TIMM23B: variants seen among roughly 807,000 people sequenced by gnomAD.
TIMM23B encodes the protein translocase of inner mitochondrial membrane 23 homolog B.
In TIMM23B, 27 loss-of-function variants were observed where a neutral mutation model predicts 27.3. The ratio of observed to expected loss-of-function variants is 0.99; its 90% CI spans 0.73 to 1.36. The LOEUF is 1.36. TIMM23B is among the 40% of genes most tolerant of loss of function. The pLI is 0.00. For synonymous variants in TIMM23B, 73 were observed against 92.4 expected, an observed-to-expected ratio of 0.79 and a Z score of 1.21; for missense variants, 205 against 244.2, an observed-to-expected ratio of 0.84 and a Z score of 1.07.
Position 49,955,067 on chromosome 10 carries a change from A to T in TIMM23B, c.403+7A>T, listed in dbSNP as rs1439284159. ...AATACTCTAGGTTCTCTGGGTAAGT[A>T]GAGATCTCGTTTGATAATAAATTGT... On this transcript the variant is annotated splice_region_variant and intron_variant, in intron 5 of 6. Transcript: ENST00000651259. 2.5e-6 allele frequency: 4 copies of T among 1,612,034 alleles called. No homozygotes were observed. In the African/African-American group the frequency reaches 4.0e-5, roughly 16 times the overall value.
rs1191792482 is a variant in TIMM23B, at chr10:49,945,101, G to T, written c.165+11G>T. 6.8e-6 allele frequency: 11 copies of T among 1,611,192 alleles called. No homozygotes were observed. The African/African-American group carries it at 8.0e-5, about 12-fold the overall frequency. ...CGATACCTCGTGCAGGTAAGACTAA[G>T]ATTTTACTAGTTTGGTGCATTATTT... On this transcript the variant is annotated intron_variant, in intron 2 of 6. Coordinates refer to ENST00000651259, the MANE Select transcript of TIMM23B (RefSeq NM_001290117.2).
chr10:49,961,402 A>G (rs1204242658), intron 6 of TIMM23B, among the ~76,000 whole-genome samples: 6 of 150,758 alleles, frequency 4.0e-5, no homozygotes, highest in Non-Finnish European at 5.9e-5. Flanking sequence ...AAAAAAAAAG[A>G]AAAGAAAAAA....
intron 2 of TIMM23B, among the ~76,000 whole-genome samples, chr10:49,946,137 CT>C (rs1218396196): frequency 7.9e-4 from 119 of 150,934 alleles, no homozygotes; most frequent in African/African-American, 2.7e-3. Flanking sequence ...TTGCAGTGAG[CT>C]GAGAACACCC....
At chr10:49,971,101 T>C (rs1378378029) in intron 6 of TIMM23B, among the ~76,000 whole-genome samples, 1 of 152,188 alleles carries the variant, frequency 6.6e-6, no homozygotes, top group Non-Finnish European at 1.5e-5. Flanking sequence ...GTGCAAGATG[T>C]GCTTTGTTAA....
At chr10:49,942,393 T>A in intron 1 of TIMM23B, 93 bp downstream of exon 1, 4 of 1,547,296 alleles carry the variant, frequency 2.6e-6, no homozygotes. Context: ...TTGGTTTTTT[T>A]TTCCTTGCTG....
intron 6 of TIMM23B, among the ~76,000 whole-genome samples, chr10:49,966,373 C>T (rs534281787): frequency 7.8e-5 from 11 of 141,796 alleles, no homozygotes; most frequent in East Asian, 4.2e-4. Flanking sequence ...TGAAATGAAA[C>T]GAAATGAAGA....
intron 6 of TIMM23B, among the ~76,000 whole-genome samples, chr10:49,968,980 A>G (rs1840294382): frequency 6.6e-6 from 1 of 152,258 alleles, no homozygotes. Context: ...TTTTAAATGA[A>G]ACAAGTTCCA....
chr10:49,959,889 C>T (rs1353136388), intron 6 of TIMM23B, among the ~76,000 whole-genome samples: 7 of 152,014 alleles, frequency 4.6e-5, no homozygotes, highest in Admixed American at 4.6e-4. Context: ...GCTGGGACTG[C>T]AGGCACACAC....
At chr10:49,969,615 C>G (rs1840328531) in intron 6 of TIMM23B, among the ~76,000 whole-genome samples, 1 of 151,342 alleles carries the variant, frequency 6.6e-6, no homozygotes, top group Non-Finnish European at 1.5e-5. Context: ...ATCACTTGAG[C>G]TTGGGGAGGT....
rs1173529762 is a variant in TIMM23B, at chr10:49,942,335, C to T, written c.106+35C>T. The T allele has an allele frequency of 1.3e-5, 20 of 1,587,204 alleles. 1 individual carries two copies. Among genetic ancestry groups the T allele is most frequent in the Non-Finnish European group, 1.6e-5 (19 of 1,165,328 alleles). ...GGGCCTAGCTTGCGATTATTTCTGACTGGTTCTTGCGTTTACACTAAAGTT... is the reference window on the plus strand; with the variant it reads ...GGGCCTAGCTTGCGATTATTTCTGATTGGTTCTTGCGTTTACACTAAAGTT... On this transcript the variant is annotated intron_variant, in intron 1 of 6. Transcript: ENST00000651259.
At chr10:49,959,771 G>T (rs1237186844) in intron 6 of TIMM23B, among the ~76,000 whole-genome samples, 1 of 150,054 alleles carries the variant, frequency 6.7e-6, no homozygotes, top group African/African-American at 2.5e-5. Context: ...TCTTTTTTGA[G>T]ATGGAGTCTT....
chr10:49,963,704 G>A (rs1449299868), intron 6 of TIMM23B, among the ~76,000 whole-genome samples: 10 of 152,130 alleles, frequency 6.6e-5, no homozygotes, highest in African/African-American at 1.7e-4. Context: ...GGTGGCTCAC[G>A]CCTGTAATCC....
chr10:49,952,545 G>C lies in TIMM23B; in HGVS notation c.344+12G>C. The C allele has an allele frequency of 6.2e-7, 1 of 1,612,914 alleles. No homozygotes were observed. Among genetic ancestry groups the C allele is most frequent in the South Asian group, 1.1e-5 (1 of 90,966 alleles). ...CCAGGAAATGTACAGTAAGTCTCTT[G>C]TAACCATCTGATGTAGTGATACTTG... On this transcript the variant is annotated intron_variant, in intron 4 of 6. Transcript: ENST00000651259.
At chr10:49,962,197 C>G (rs1767346442) in intron 6 of TIMM23B, among the ~76,000 whole-genome samples, 1 of 137,732 alleles carries the variant, frequency 7.3e-6, no homozygotes, top group African/African-American at 2.8e-5. Context: ...TCCAATTAAG[C>G]TTTTTTTTGC....
chr10:49,957,918 A>G (rs1269830210), intron 5 of TIMM23B, among the ~76,000 whole-genome samples: 10 of 152,140 alleles, frequency 6.6e-5, no homozygotes, highest in African/African-American at 1.4e-4. Context: ...TCTGTGCAAC[A>G]TTTCTTCTTC....
intron 6 of TIMM23B, among the ~76,000 whole-genome samples, chr10:49,969,460 T>TA (rs1840319790): frequency 7.2e-6 from 1 of 138,510 alleles, no homozygotes. Context: ...AAAAAAAAGA[T>TA]AGATTCTAAG....
At chr10:49,945,718 T>C (rs1376923827) in intron 2 of TIMM23B, among the ~76,000 whole-genome samples, 2 of 152,178 alleles carry the variant, frequency 1.3e-5, no homozygotes, top group Admixed American at 6.5e-5. Context: ...TATTAGCAAA[T>C]ATATCTTGGG....
intron 3 of TIMM23B, 55 bp downstream of exon 3, chr10:49,952,274 C>T (rs1453764813): frequency 9.9e-6 from 15 of 1,518,498 alleles, no homozygotes; most frequent in African/African-American, 8.3e-5. Flanking sequence ...GTTGAGGGTG[C>T]GTAAAATCAA....
chr10:49,973,040 C>T lies in TIMM23B; in HGVS notation c.543C>T (p.Phe181=). 6.5e-7 allele frequency: 1 copy of T among 1,532,844 alleles called. No homozygotes were observed. The highest frequency in any genetic ancestry group is 2.4e-5 in the East Asian group (1 of 40,916). 95.0% of individuals were successfully genotyped at this position (1,532,844 alleles called of 1,614,324 possible). A position where few individuals can be genotyped will look rare whatever the true frequency, so the allele number is the denominator to read the frequency against. The change falls in exon 7 of 7, where the codon TTC becomes TTT. Residue 181 remains phenylalanine (F), a synonymous_variant. Transcript: ENST00000651259. ...CAGAGATGGCTTTGGATTCCCCGTTCTGTGTGCTGCTGTCTGGCTCCTGAA... is the reference window on the plus strand; with the variant it reads ...CAGAGATGGCTTTGGATTCCCCGTTTTGTGTGCTGCTGTCTGGCTCCTGAA... ...TVSEMALDSP[F]CVLLSGS is the part of the protein sequence containing the mutation.
Sources: allele counts gnomAD v4.1 joint callset (sites outside exome capture counted in the v4.1 genomes callset), GRCh38; gene constraint gnomAD v4.1.1; transcripts MANE v1.5; gene names NCBI Gene and HGNC (gene_info 2026-07-23, HGNC 2026-07-21).